Variants in GALNT13 observed in about 807,000 individuals in gnomAD.
GALNT13 encodes UDP-GalNAc:polypeptide N-acetylgalactosaminyltransferase 13.
A neutral mutation model predicts 64.2 loss-of-function variants in GALNT13; 28 were observed. The observed-to-expected ratio is 0.44, with a 90% CI of 0.32 to 0.60. The LOEUF (loss-of-function observed/expected upper bound fraction) is 0.60. Ranked by LOEUF, GALNT13 falls within the 20% of genes least tolerant of loss-of-function variation. The pLI is 0.05. For missense variants in GALNT13, 577 were observed against 669.8 expected (o/e 0.86, Z 1.53); for synonymous variants, 214 against 224.6 (o/e 0.95, Z 0.42).
chr2:153,857,957 C>T, the GALNT13 span, among the ~76,000 whole-genome samples: 132,760 of 152,158 alleles, frequency 0.87, 58,859 homozygotes, highest in Middle Eastern at 0.95. Flanking sequence ...AAGTGAAATA[C>T]ATGAAGATCT....
intron 4 of GALNT13, among the ~76,000 whole-genome samples, chr2:154,150,408 G>T (rs1345856178): frequency 3.9e-5 from 6 of 152,240 alleles, no homozygotes; most frequent in African/African-American, 1.4e-4. Flanking sequence ...TTGTGTCTCT[G>T]CCCGGCTTTG....
rs529638435 is a variant in GALNT13, at chr2:154,295,539, A to AT, written c.976-5863dup. The stretch of plus-strand genomic sequence containing the variant: ...CCACCATGTGCCCAGCTAATTTTTT[A>AT]TTTTTTTATTTTTAGTAGAGACGAG... On this transcript the variant is annotated intron_variant, in intron 8 of 12. Coordinates refer to ENST00000392825, the MANE Select transcript of GALNT13 (RefSeq NM_052917.4). Among the ~76,000 whole-genome samples the AT allele has an allele frequency of 3.2e-3, 482 of 151,324 alleles. 1 individual carries two copies. Among genetic ancestry groups the AT allele is most frequent in the African/African-American group, 0.011 (444 of 41,242 alleles).
the GALNT13 span, among the ~76,000 whole-genome samples, chr2:153,609,172 G>GCTCAAGTGATCTT: frequency 9.8e-5 from 7 of 71,294 alleles, no homozygotes; most frequent in East Asian, 1.7e-3. Flanking sequence ...GAACTTGTGA[G>GCTCAAGTGATCTT]CCTGCCTCAG....
intron 11 of GALNT13, chr2:154,435,808 C>A (rs959449973): frequency 2.9e-4 from 44 of 152,104 alleles, no homozygotes; most frequent in African/African-American, 1.1e-3. Flanking sequence ...AAGTATTTCA[C>A]ATATAATGTT....
the GALNT13 span, among the ~76,000 whole-genome samples, chr2:153,694,095 G>A: frequency 1.3e-5 from 2 of 152,164 alleles, no homozygotes; most frequent in Non-Finnish European, 2.9e-5. Flanking sequence ...GGAACAGAGT[G>A]AGACTCCATC....
intron 3 of GALNT13, among the ~76,000 whole-genome samples, chr2:153,975,780 C>T (rs2105141467): frequency 6.6e-6 from 1 of 152,104 alleles, no homozygotes; most frequent in African/African-American, 2.4e-5. Context: ...AACTGTGTTG[C>T]ATACTTGAAA....
chr2:153,396,278 T>C, the GALNT13 span, among the ~76,000 whole-genome samples: 1 of 152,080 alleles, frequency 6.6e-6, no homozygotes, highest in Non-Finnish European at 1.5e-5. Context: ...CAAAAATTTT[T>C]GCCCAAACGG....
chr2:153,987,287 G>A (rs1694863340), intron 3 of GALNT13, among the ~76,000 whole-genome samples: 1 of 151,856 alleles, frequency 6.6e-6, no homozygotes, highest in Non-Finnish European at 1.5e-5. Context: ...TAGGGTTCTT[G>A]TGAAACTCAA....
At chr2:153,646,822 C>T in the GALNT13 span, among the ~76,000 whole-genome samples, 7 of 152,128 alleles carry the variant, frequency 4.6e-5, no homozygotes, top group Non-Finnish European at 1.0e-4. Context: ...CATAGTATTC[C>T]ATGGTGTATA....
At chr2:153,608,719 A>C in the GALNT13 span, among the ~76,000 whole-genome samples, 1 of 147,768 alleles carries the variant, frequency 6.8e-6, no homozygotes, top group African/African-American at 2.5e-5. Context: ...TAAATATGTA[A>C]ATATATGTAT....
chr2:153,077,139 A>T, the GALNT13 span, among the ~76,000 whole-genome samples: 1 of 151,820 alleles, frequency 6.6e-6, no homozygotes, highest in Non-Finnish European at 1.5e-5. Context: ...TTTAGTAGAG[A>T]AGGGGTTTTG....
chr2:153,400,491 G>T, the GALNT13 span, among the ~76,000 whole-genome samples: 6 of 152,208 alleles, frequency 3.9e-5, no homozygotes, highest in Admixed American at 3.9e-4. Flanking sequence ...AAGAGTTTCA[G>T]AAGGAATGGT....
At chr2:153,465,708 C>G in the GALNT13 span, among the ~76,000 whole-genome samples, 1 of 151,812 alleles carries the variant, frequency 6.6e-6, no homozygotes. Flanking sequence ...TCTGCACCTG[C>G]TTCAGTTAAA....
the GALNT13 span, among the ~76,000 whole-genome samples, chr2:153,429,067 TTCTCTC>T: frequency 6.6e-6 from 1 of 151,836 alleles, no homozygotes; most frequent in South Asian, 2.1e-4. Flanking sequence ...CTCTTTCTCT[TTCTCTC>T]TCTCTTTCAT....
At chr2:154,313,779 G>A (rs979843447) in intron 9 of GALNT13, among the ~76,000 whole-genome samples, 1 of 151,974 alleles carries the variant, frequency 6.6e-6, no homozygotes, top group African/African-American at 2.4e-5. Context: ...CACAGAATAA[G>A]TACTACCTTC....
chr2:153,634,277 T>C, the GALNT13 span, among the ~76,000 whole-genome samples: 1 of 152,192 alleles, frequency 6.6e-6, no homozygotes, highest in Admixed American at 6.5e-5. Context: ...ACCTTTTATG[T>C]AACCTACACT....
the GALNT13 span, among the ~76,000 whole-genome samples, chr2:153,578,094 G>A: frequency 6.6e-6 from 1 of 151,908 alleles, no homozygotes; most frequent in African/African-American, 2.4e-5. Flanking sequence ...ACATTTCTAA[G>A]GAAACCTGTC....
intron 9 of GALNT13, among the ~76,000 whole-genome samples, chr2:154,374,440 T>A (rs1043738090): frequency 1.3e-5 from 2 of 152,164 alleles, no homozygotes; most frequent in African/African-American, 4.8e-5. Context: ...GGAAAACCGA[T>A]GAGCTGTTGG....
chr2:153,290,264 T>C, the GALNT13 span, among the ~76,000 whole-genome samples: 2 of 152,176 alleles, frequency 1.3e-5, no homozygotes, highest in East Asian at 1.9e-4. Context: ...AGAAACAGGC[T>C]AGCCTTGAAC....
Sources: gnomAD v4.1 joint callset for allele counts (sites outside exome capture counted in the v4.1 genomes callset) on GRCh38, gnomAD v4.1.1 for gene constraint, MANE v1.5 for transcripts, NCBI Gene and HGNC (gene_info 2026-07-23, HGNC 2026-07-21) for gene names.